Variants in CFAP61 observed in about 807,000 individuals in gnomAD.
The protein encoded by CFAP61 is cilia- and flagella-associated protein 61.
Under a neutral mutation model 135.6 loss-of-function variants are expected in CFAP61, and 107 were observed. The observed-to-expected ratio is 0.79, with a 90% CI of 0.67 to 0.93. CFAP61 has a LOEUF of 0.93. CFAP61 is among the 40% of genes least tolerant of loss of function. The probability of loss-of-function intolerance (pLI) is 0.00; values close to 1 mark genes in which losing one functional copy is unlikely to be tolerated. For missense variants in CFAP61, 1,507 were observed against 1,556.2 expected (o/e 0.97, Z 0.53); for synonymous variants, 575 against 578.5 (o/e 0.99, Z 0.09).
intron 9 of CFAP61, among the ~76,000 whole-genome samples, chr20:20,144,245 A>G (rs940127642): frequency 4.6e-5 from 7 of 152,228 alleles, no homozygotes; most frequent in Non-Finnish European, 1.0e-4. Context: ...TATTATGCAT[A>G]AGGTGGAGAT....
At chr20:20,116,376 G>T (rs2049140835) in intron 8 of CFAP61, among the ~76,000 whole-genome samples, 1 of 152,064 alleles carries the variant, frequency 6.6e-6, no homozygotes, top group Non-Finnish European at 1.5e-5. Context: ...CCATCCTGTG[G>T]ATTGTCTTTT....
At chr20:20,077,248 TGAA>T (rs2046118808) in intron 6 of CFAP61, among the ~76,000 whole-genome samples, 2 of 152,230 alleles carry the variant, frequency 1.3e-5, no homozygotes, top group South Asian at 4.1e-4. Context: ...TTCAGTGGAA[TGAA>T]CCATTTACAT....
chr20:20,276,515 A>C (rs866623132), intron 21 of CFAP61, among the ~76,000 whole-genome samples: 15 of 152,350 alleles, frequency 9.8e-5, no homozygotes, highest in Non-Finnish European at 1.9e-4. Context: ...ATTTATCATC[A>C]AAATGCTCTT....
chr20:20,098,871 T>C, intron 8 of CFAP61, 57 bp downstream of exon 8: 2 of 1,478,314 alleles, frequency 1.4e-6, no homozygotes, highest in Non-Finnish European at 1.8e-6. Flanking sequence ...TTATACACAT[T>C]GCGCTCTTCG....
intron 17 of CFAP61, among the ~76,000 whole-genome samples, chr20:20,207,209 A>C (rs2056893665): frequency 6.6e-6 from 1 of 152,240 alleles, no homozygotes; most frequent in Admixed American, 6.5e-5. Flanking sequence ...ATCCAAATGC[A>C]GGAGGAAAAT....
At chr20:20,207,787 A>G (rs1448291938) in intron 17 of CFAP61, among the ~76,000 whole-genome samples, 1 of 152,236 alleles carries the variant, frequency 6.6e-6, no homozygotes, top group Non-Finnish European at 1.5e-5. Flanking sequence ...AGAGAAAATC[A>G]GTAAAACCTT....
chr20:20,142,698 C>T lies in CFAP61; in HGVS notation c.860-159C>T, dbSNP rs541885514. Among the ~76,000 whole-genome samples, 6 of 152,280 alleles carry T rather than the reference C, an allele frequency of 3.9e-5. No homozygotes were observed. The South Asian group carries it at 8.3e-4, about 21-fold the overall frequency. On this transcript the variant is annotated intron_variant, in intron 8 of 26. Coordinates refer to ENST00000245957, the MANE Select transcript of CFAP61 (RefSeq NM_015585.4). ...TCAGTGTCAAAATTCGGGGGGGCTG[C>T]GGAGACCTGCTCTTCCCACCTCAAG...
At position 20,290,388 on chromosome 20, in the gene CFAP61, T is replaced by C; in HGVS notation, c.3213T>C (p.Asn1071=). The C allele has an allele frequency of 6.3e-7, 1 of 1,578,280 alleles. No homozygotes were observed. Among genetic ancestry groups the C allele is most frequent in the South Asian group, 1.1e-5 (1 of 90,370 alleles). Residue 1071 remains asparagine (N), a synonymous_variant, in exon 24 of 27, where the codon AAT becomes AAC. Coordinates refer to ENST00000245957, the MANE Select transcript of CFAP61 (RefSeq NM_015585.4). Reference sequence around the variant, plus strand: ...TGGAGGTACAAATGGCACAGCCTAATTATGTAAGTATTATTTCTGAATTTC... The same window carrying C: ...TGGAGGTACAAATGGCACAGCCTAACTATGTAAGTATTATTTCTGAATTTC... The part of the protein sequence containing the change: ...TPLEVQMAQP[N]YGLELVTGSA...
In CFAP61 at chr20:20,157,543, G is replaced by C. The variant is rs569789129; in HGVS notation, c.952-1827G>C. Among the ~76,000 whole-genome samples the C allele has an allele frequency of 7.9e-4, 121 of 152,298 alleles. 2 individuals are homozygous for C. Among genetic ancestry groups the C allele is most frequent in the Admixed American group, 3.3e-4 (5 of 15,292 alleles). The stretch of plus-strand genomic sequence containing the variant: ...GGAGAAAGAATAGTCTTTTCTCTCT[G>C]AAACAATTTTATATCCATATACAAA... On this transcript the variant is annotated intron_variant, in intron 9 of 26. Transcript: ENST00000245957.
chr20:20,147,592 G>GT (rs1218815058), intron 9 of CFAP61, among the ~76,000 whole-genome samples: 1 of 152,026 alleles, frequency 6.6e-6, no homozygotes, highest in African/African-American at 2.4e-5. Context: ...GGGATTATTT[G>GT]TTTTTTTCTT....
intron 2 of CFAP61, among the ~76,000 whole-genome samples, chr20:20,067,732 T>C (rs922647072): frequency 1.4e-5 from 2 of 145,510 alleles, no homozygotes; most frequent in African/African-American, 5.0e-5. Context: ...ATATTCATAT[T>C]ATTTTATATA....
Position 20,277,167 on chromosome 20 carries a change from G to C in CFAP61, c.2505G>C (p.Gly835=). 1 of 1,599,552 alleles carries C rather than the reference G, an allele frequency of 6.3e-7. No individual in the cohort carries two copies. The highest frequency in any genetic ancestry group is 8.6e-7 in the Non-Finnish European group (1 of 1,169,154). The change falls in exon 22 of 27, where the codon GGG becomes GGC. Residue 835 remains glycine (G), a splice_region_variant and synonymous_variant. Transcript: ENST00000245957. ...WIRNNSITTE[G]NIIVYGNTID... ...TTAGCGTTTTCCCTTCTTTCCTAGG[G>C]AATATCATTGTCTATGGGAATACAA... is the stretch of plus-strand genomic sequence containing the variant.
chr20:20,212,077 A>G (rs2047682522), intron 17 of CFAP61, among the ~76,000 whole-genome samples: 1 of 152,214 alleles, frequency 6.6e-6, no homozygotes, highest in African/African-American at 2.4e-5. Flanking sequence ...TTGTTTGCAG[A>G]CAACATCGAT....
intron 18 of CFAP61, among the ~76,000 whole-genome samples, chr20:20,236,669 C>T (rs2049614555): frequency 1.3e-5 from 2 of 152,208 alleles, no homozygotes; most frequent in African/African-American, 4.8e-5. Context: ...AAAAAACCTG[C>T]CCATGTGGTG....
chr20:20,125,862 G>A (rs1323338546), intron 8 of CFAP61, among the ~76,000 whole-genome samples: 1 of 151,764 alleles, frequency 6.6e-6, no homozygotes, highest in African/African-American at 2.4e-5. Context: ...TCATTGCTTA[G>A]GTCTATTAGT....
intron 26 of CFAP61, among the ~76,000 whole-genome samples, chr20:20,355,977 G>A (rs1159992850): frequency 6.4e-5 from 1 of 15,706 alleles, no homozygotes; most frequent in East Asian, 0.056. Flanking sequence ...TGATCACACT[G>A]TGAGGGGACG....
intron 20 of CFAP61, chr20:20,253,796 C>A: frequency 4.7e-6 from 1 of 213,038 alleles, no homozygotes; most frequent in South Asian, 6.3e-5. Context: ...AGATTTGAAC[C>A]TCTCGATTTG....
At chr20:20,251,933 T>C (rs1336797216) in intron 20 of CFAP61, among the ~76,000 whole-genome samples, 170 bp downstream of exon 20, 3 of 152,208 alleles carry the variant, frequency 2.0e-5, no homozygotes, top group Admixed American at 1.3e-4. Flanking sequence ...ATAACCAGAA[T>C]TATGTCCGCA....
chr20:20,121,398 C>T (rs911936333), intron 8 of CFAP61, among the ~76,000 whole-genome samples: 1 of 151,862 alleles, frequency 6.6e-6, no homozygotes, highest in South Asian at 2.1e-4. Flanking sequence ...TGTGAGCTGC[C>T]GTGCTCAACA....
Sources: gnomAD v4.1 joint callset for allele counts (sites outside exome capture counted in the v4.1 genomes callset) on GRCh38, gnomAD v4.1.1 for gene constraint, MANE v1.5 for transcripts, NCBI Gene and HGNC (gene_info 2026-07-23, HGNC 2026-07-21) for gene names.